Variants in MYBPC3 observed in about 807,000 individuals in gnomAD.
The protein encoded by MYBPC3 is myosin-binding protein C, cardiac-type.
A neutral mutation model predicts 159.3 loss-of-function variants in MYBPC3; 108 were observed. The observed-to-expected ratio is 0.68, with a 90% CI of 0.58 to 0.80. MYBPC3 has a LOEUF of 0.80. Among genes scored for constraint, MYBPC3 ranks in the 30% least tolerant of loss-of-function variants. The pLI, the probability that MYBPC3 is intolerant of heterozygous loss-of-function variation, is 0.00. For synonymous variants in MYBPC3, 730 were observed against 702.0 expected, an observed-to-expected ratio of 1.04 and a Z score of -0.63; for missense variants, 1,631 against 1,762.1, an observed-to-expected ratio of 0.93 and a Z score of 1.33.
chr11:47,333,185 T>C lies in MYBPC3; in HGVS notation c.3330+9A>G, dbSNP rs1220100453. On this transcript the variant is annotated intron_variant, in intron 30 of 34. Coordinates refer to ENST00000545968, the MANE Select transcript of MYBPC3 (RefSeq NM_000256.3). ...GGGTGCACGTGGGGACCCCAGACCC[T>C]GGGCTCACCATGGTCTTCTTGTCGG... 1.9e-6 allele frequency: 3 copies of C among 1,601,502 alleles called. No homozygotes were observed. Among genetic ancestry groups the C allele is most frequent in the Non-Finnish European group, 2.6e-6 (3 of 1,174,042 alleles).
intron 5 of MYBPC3, among the ~76,000 whole-genome samples, chr11:47,348,784 A>G (rs2095897192): frequency 6.6e-6 from 1 of 150,834 alleles, no homozygotes; most frequent in African/African-American, 2.4e-5. Context: ...GCACACCTCT[A>G]GTTTCAGCTA....
chr11:47,332,299 TGA>T lies in MYBPC3; in HGVS notation c.3628-43_3628-42del. 6.3e-7 allele frequency: 1 copy of T among 1,597,962 alleles called. No homozygotes were observed. The highest frequency in any genetic ancestry group is 1.3e-5 in the African/African-American group (1 of 74,812). ...AGAGAGGGAGGGAAGCCATCCAGGCTGAGAGGGGACCTGGCAGGGACCCAGGG... is the reference window on the plus strand; with the variant it reads ...AGAGAGGGAGGGAAGCCATCCAGGCTGAGGGGACCTGGCAGGGACCCAGGG... On this transcript the variant is annotated intron_variant, in intron 32 of 34. Transcript: ENST00000545968. The surrounding 1 kb of genome is among the most constrained non-coding windows in gnomAD (Gnocchi z 4.2).
rs1416997317 is a variant in MYBPC3, at chr11:47,347,017, C to T, written c.908+10G>A. ...CTGCCGCCCCCAAACACCCAGACCC[C>T]GATTCTTACTCTCTGGGCCACAGCA... is the stretch of plus-strand genomic sequence containing the variant. On this transcript the variant is annotated intron_variant, in intron 10 of 34. Transcript: ENST00000545968. 2.5e-6 allele frequency: 2 copies of T among 789,810 alleles called. No individual in the cohort carries two copies. The highest frequency in any genetic ancestry group is 1.7e-5 in the Admixed American group (1 of 58,952). 48.9% of individuals were successfully genotyped at this position (789,810 alleles called of 1,614,324 possible). A position where few individuals can be genotyped will look rare whatever the true frequency, so the allele number is the denominator to read the frequency against.
intron 3 of MYBPC3, 33 bp downstream of exon 3, chr11:47,350,469 G>A (rs762194426): frequency 7.1e-5 from 110 of 1,543,526 alleles, no homozygotes; most frequent in Non-Finnish European, 7.9e-5. Context: ...CCCTACCCAC[G>A]GATCCTGCCC....
chr11:47,342,680 G>C lies in MYBPC3; in HGVS notation c.1522C>G (p.Gln508Glu), dbSNP rs730880544. The change falls in exon 17 of 35, where the codon CAG becomes GAG. Residue 508 changes from glutamine to glutamate, a missense_variant. Physicochemically the swap from Gln to Glu is conservative, Grantham distance 29. Transcript: ENST00000545968. The part of the protein sequence containing the change: ...TFKYRFKKDG[Q>E]RHHLIINEAM... ...TCGTTGATGATCAGGTGGTGTCTCTGCCCGTCCTTCTTGAACCGGTATTTG... is the reference window on the plus strand; with the variant it reads ...TCGTTGATGATCAGGTGGTGTCTCTCCCCGTCCTTCTTGAACCGGTATTTG... 1 of 1,614,018 alleles carries C rather than the reference G, an allele frequency of 6.2e-7. No homozygotes were observed.
Position 47,350,004 on chromosome 11 carries a change from T to C in MYBPC3, c.505+10A>G, listed in dbSNP as rs1303925716. On this transcript the variant is annotated intron_variant, in intron 4 of 34. Transcript: ENST00000545968. ...CCACCCCAATGCTGGGCACAGCAGC[T>C]CACACTCACCCACGGTCACCTCGCC... 3.2e-6 allele frequency: 5 copies of C among 1,559,686 alleles called. No individual in the cohort carries two copies. In the East Asian group the frequency reaches 1.2e-4, roughly 38 times the overall value.
chr11:47,346,890 C>T lies in MYBPC3; in HGVS notation c.908+137G>A. ...TGGGTGGCAGGAGAAGCCCAAGGCA[C>T]AGAGACTCACCCCTGTCCGTGGGGA... is the stretch of plus-strand genomic sequence containing the variant. On this transcript the variant is annotated intron_variant, in intron 10 of 34. Transcript: ENST00000545968. This position sits in a 1 kb window ranked among gnomAD's most constrained non-coding sequence, Gnocchi z 5.3. 1.4e-6 allele frequency: 1 copy of T among 719,882 alleles called. No homozygotes were observed. 44.6% of individuals were successfully genotyped at this position (719,882 alleles called of 1,614,324 possible).
At chr11:47,343,182 C>A in intron 14 of MYBPC3, 37 bp from the exon 15 acceptor site, 1 of 1,601,212 alleles carries the variant, frequency 6.2e-7, no homozygotes, top group Non-Finnish European at 8.5e-7. Context: ...AGGAAAGCTG[C>A]GGACACCCCT....
chr11:47,344,222 G>A (rs1469287356), intron 12 of MYBPC3, among the ~76,000 whole-genome samples: 2 of 152,226 alleles, frequency 1.3e-5, no homozygotes, highest in Non-Finnish European at 2.9e-5. Context: ...AAGCTTGTCA[G>A]GAGAACTGGG....
rs773543130 is a variant in MYBPC3 at position 47,333,292 on chromosome 11, A to G, written c.3232T>C (p.Trp1078Arg). The G allele has an allele frequency of 1.8e-5, 28 of 1,590,658 alleles. No homozygotes were observed. The change falls in exon 30 of 35, where the codon TGG (tryptophan) becomes CGG (arginine). Residue 1078 changes from tryptophan (W) to arginine (R), a missense_variant. Coordinates refer to ENST00000545968, the MANE Select transcript of MYBPC3 (RefSeq NM_000256.3). ...PPQDLRVTDAWGLNVALEWKP... is the reference protein window; with the variant it reads ...PPQDLRVTDARGLNVALEWKP... Reference sequence around the variant, plus strand: ...CACTCCAGAGCCACATTAAGACCCCAGGCGTCAGTCACCCGGAGATCCTGG... The same window carrying G: ...CACTCCAGAGCCACATTAAGACCCCGGGCGTCAGTCACCCGGAGATCCTGG...
intron 29 of MYBPC3, 112 bp from the exon 30 acceptor site, chr11:47,333,445 G>C: frequency 1.3e-6 from 2 of 1,515,988 alleles, no homozygotes; most frequent in Non-Finnish European, 1.8e-6. Flanking sequence ...TGCTGGGGCA[G>C]TGGACTGGAA....
rs1182126415 is a variant in MYBPC3 at position 47,338,562 on chromosome 11, G to A, written c.2266C>T (p.Pro756Ser). The change falls in exon 23 of 35, where the codon CCT (proline) becomes TCT (serine). Residue 756 changes from proline to serine, a missense_variant. Transcript: ENST00000545968. This position sits in a 1 kb window ranked among gnomAD's most constrained non-coding sequence, Gnocchi z 4.7. ...AGGTTGACCTGGTCCTCGCCCACAG[G>A]GTTCTTCACTGTGACCGTGTAGACG... is the stretch of plus-strand genomic sequence containing the variant. ...EGVYTVTVKN[P>S]VGEDQVNLTV... The A allele has an allele frequency of 6.2e-7, 1 of 1,613,890 alleles. No homozygotes were observed.
chr11:47,349,979 C>G (rs1462927002), intron 4 of MYBPC3, 35 bp downstream of exon 4: 2 of 1,562,128 alleles, frequency 1.3e-6, no homozygotes, highest in Non-Finnish European at 1.7e-6. Flanking sequence ...CCCCCCCTTC[C>G]CACCCCAATG....
chr11:47,347,116 C>A, intron 9 of MYBPC3, 87 bp from the exon 10 acceptor site: 1 of 1,237,042 alleles, frequency 8.1e-7, no homozygotes, highest in Admixed American at 2.0e-5. Context: ...TTGGGCCGAC[C>A]TGGTAGACCC....
At chr11:47,337,939 C>G in intron 23 of MYBPC3, 145 bp from the exon 24 acceptor site, 1 of 539,846 alleles carries the variant, frequency 1.9e-6, no homozygotes, top group Non-Finnish European at 3.2e-6. Flanking sequence ...GAATGCATTT[C>G]TTTCTTCTTT....
Position 47,348,522 on chromosome 11 carries a change from TGCA to T in MYBPC3, c.671_673del (p.Leu224del). On this transcript the variant is annotated inframe_deletion, in exon 6 of 35. Coordinates refer to ENST00000545968, the MANE Select transcript of MYBPC3 (RefSeq NM_000256.3). ...GAAGGCAGGCTGGGCATCGGTGATGTGCAGCTCGAACAGATAGACCTGTGTGCA... is the reference window on the plus strand; with the variant it reads ...GAAGGCAGGCTGGGCATCGGTGATGTGCTCGAACAGATAGACCTGTGTGCA... 6.2e-7 allele frequency: 1 copy of T among 1,612,936 alleles called. No individual in the cohort carries two copies. Among genetic ancestry groups the T allele is most frequent in the Non-Finnish European group, 8.5e-7 (1 of 1,179,458 alleles).
At position 47,332,487 on chromosome 11, in the gene MYBPC3, T is replaced by TG; in HGVS notation, c.3627+78dup. The TG allele has an allele frequency of 6.5e-7, 1 of 1,545,196 alleles. No homozygotes were observed. The highest frequency in any genetic ancestry group is 8.7e-7 in the Non-Finnish European group (1 of 1,144,300). Reference sequence around the variant, plus strand: ...TGGAGAGAAAGCAGGGGAGACAGGCTGGGGAGAGGACTGCTCAACGTCGGG... The same window carrying TG: ...TGGAGAGAAAGCAGGGGAGACAGGCTGGGGGAGAGGACTGCTCAACGTCGGG... On this transcript the variant is annotated intron_variant, in intron 32 of 34. Transcript: ENST00000545968. This position sits in a 1 kb window ranked among gnomAD's most constrained non-coding sequence, Gnocchi z 4.2.
In MYBPC3 at chr11:47,346,069, T is replaced by C. The variant is rs2095893711; in HGVS notation, c.1090+138A>G. 3.3e-6 allele frequency: 4 copies of C among 1,202,650 alleles called. No homozygotes were observed. Among genetic ancestry groups the C allele is most frequent in the Non-Finnish European group, 3.4e-6 (3 of 875,550 alleles). 74.5% of individuals were successfully genotyped at this position (1,202,650 alleles called of 1,614,324 possible). ...GCTAAGCCGGACTCCGCTCTTTCCA[T>C]GTATGTGGACGAGGTGGGGGGCTAA... On this transcript the variant is annotated intron_variant, in intron 12 of 34. Coordinates refer to ENST00000545968, the MANE Select transcript of MYBPC3 (RefSeq NM_000256.3). The surrounding 1 kb of genome is among the most constrained non-coding windows in gnomAD (Gnocchi z 5.3).
intron 6 of MYBPC3, 75 bp downstream of exon 6, chr11:47,348,349 G>T: frequency 9.1e-7 from 1 of 1,095,228 alleles, no homozygotes; most frequent in Non-Finnish European, 1.4e-6. Flanking sequence ...ATCCTCCTTA[G>T]TGTTGGGAAA....
Sources: gnomAD v4.1 joint callset for allele counts (sites outside exome capture counted in the v4.1 genomes callset) on GRCh38, gnomAD v4.1.1 for gene constraint, Gnocchi (gnomAD v3.1) non-coding constraint, MANE v1.5 for transcripts, NCBI Gene and HGNC (gene_info 2026-07-23, HGNC 2026-07-21) for gene names.